The following NDST3 variants were observed in gnomAD, a reference collection of about 807,000 sequenced individuals.
The protein encoded by NDST3 is N-deacetylase and N-sulfotransferase 3, also known as bifunctional heparan sulfate N-deacetylase/N-sulfotransferase 3.
In NDST3, 58 loss-of-function variants were observed where a neutral mutation model predicts 96.1. That is an observed-to-expected ratio of 0.60 (90% CI 0.49 to 0.75). NDST3 has a LOEUF of 0.75. Ranked by LOEUF, NDST3 falls within the 30% of genes least tolerant of loss-of-function variation. The pLI, the probability that NDST3 is intolerant of heterozygous loss-of-function variation, is 0.00. For missense variants in NDST3, 788 were observed against 1,034.2 expected, an observed-to-expected ratio of 0.76 and a Z score of 3.27; for synonymous variants, 333 against 359.7, an observed-to-expected ratio of 0.93 and a Z score of 0.84.
chr4:118,244,390 T>G (rs1340384918), intron 12 of NDST3, among the ~76,000 whole-genome samples: 1 of 152,244 alleles, frequency 6.6e-6, no homozygotes, highest in Non-Finnish European at 1.5e-5. Flanking sequence ...GAAATGCCAT[T>G]TATACCAGTT....
At chr4:118,183,233 C>A (rs1736717279) in intron 6 of NDST3, among the ~76,000 whole-genome samples, 1 of 152,186 alleles carries the variant, frequency 6.6e-6, no homozygotes, top group Non-Finnish European at 1.5e-5. Context: ...GTTCCAGAAT[C>A]TCATCTGCAG....
chr4:118,121,519 T>C (rs1412303888), intron 4 of NDST3, among the ~76,000 whole-genome samples: 1 of 151,986 alleles, frequency 6.6e-6, no homozygotes, highest in Non-Finnish European at 1.5e-5. Flanking sequence ...CAGGGGAAAA[T>C]TGGATGTAAG....
intron 6 of NDST3, among the ~76,000 whole-genome samples, chr4:118,192,904 C>A (rs1169408672): frequency 6.6e-6 from 1 of 152,026 alleles, no homozygotes; most frequent in Non-Finnish European, 1.5e-5. Context: ...CAGGAGACAG[C>A]ATCAGCCATG....
chr4:118,128,337 T>A (rs1379432420), intron 4 of NDST3, among the ~76,000 whole-genome samples: 2 of 152,060 alleles, frequency 1.3e-5, no homozygotes, highest in Non-Finnish European at 2.9e-5. Context: ...TAGATGGATT[T>A]TATTATGGTG....
chr4:118,036,612 C>A (rs76604684), intron 1 of NDST3, among the ~76,000 whole-genome samples: 4,576 of 152,248 alleles, frequency 0.03, 242 homozygotes, highest in African/African-American at 0.1. Flanking sequence ...ATCCTCAAAA[C>A]TATTTCATGA....
intron 6 of NDST3, among the ~76,000 whole-genome samples, chr4:118,212,858 C>T (rs1738895723): frequency 6.6e-6 from 1 of 152,102 alleles, no homozygotes; most frequent in Non-Finnish European, 1.5e-5. Context: ...GTCAAAATAT[C>T]ATATTTTACC....
chr4:118,082,064 C>T (rs1020101848), intron 2 of NDST3, among the ~76,000 whole-genome samples: 1 of 152,162 alleles, frequency 6.6e-6, no homozygotes, highest in African/African-American at 2.4e-5. Flanking sequence ...TCTTTACCCT[C>T]TCCTTTTCCT....
At chr4:118,136,035 TTCTGAAGACACAGC>T (rs1432351293) in intron 4 of NDST3, among the ~76,000 whole-genome samples, 2 of 152,194 alleles carry the variant, frequency 1.3e-5, no homozygotes, top group African/African-American at 4.8e-5. Flanking sequence ...GCCATGTGGG[TTCTGAAGACACAGC>T]TGACTACTCG....
intron 10 of NDST3, 134 bp downstream of exon 10, chr4:118,237,354 G>T: frequency 1.5e-6 from 1 of 658,998 alleles, no homozygotes. Flanking sequence ...CAGAAAAATG[G>T]ACAAGTTTTT....
chr4:118,059,469 G>GAA (rs1328384546), intron 2 of NDST3, among the ~76,000 whole-genome samples: 2 of 152,078 alleles, frequency 1.3e-5, no homozygotes, highest in Non-Finnish European at 2.9e-5. Flanking sequence ...CTAGAGAAAA[G>GAA]AAAGTGCTGA....
chr4:118,240,524 C>A lies in NDST3; in HGVS notation c.2119C>A (p.His707Asn). ...PSDRAYSWYQHQRSHEDPAAL... is the reference protein window; with the variant it reads ...PSDRAYSWYQNQRSHEDPAAL... ...TTAATTATCCACCTTTTCATCATAG[C>A]ATCAGCGATCACATGAAGACCCTGC... The change falls in exon 11 of 14, where the codon CAT (histidine) becomes AAT (asparagine). Residue 707 changes from histidine (H) to asparagine (N), a missense_variant and splice_region_variant. By Grantham distance (68) the His-to-Asn change is moderately conservative. Coordinates refer to ENST00000296499, the MANE Select transcript of NDST3 (RefSeq NM_004784.3). 6.3e-7 allele frequency: 1 copy of A among 1,597,430 alleles called. No homozygotes were observed. Among genetic ancestry groups the A allele is most frequent in the Non-Finnish European group, 8.5e-7 (1 of 1,171,062 alleles).
At chr4:118,153,592 G>A (rs1323648476) in intron 6 of NDST3, among the ~76,000 whole-genome samples, 2 of 152,136 alleles carry the variant, frequency 1.3e-5, no homozygotes, top group Non-Finnish European at 2.9e-5. Context: ...GGATGCCAAA[G>A]CGGGTGGATC....
At chr4:118,066,209 A>G (rs28646146) in intron 2 of NDST3, among the ~76,000 whole-genome samples, 20 of 68,944 alleles carry the variant, frequency 2.9e-4, no homozygotes, top group African/African-American at 1.1e-3. Flanking sequence ...TATTTTATAT[A>G]TTATACATAA....
intron 8 of NDST3, among the ~76,000 whole-genome samples, chr4:118,228,489 T>C (rs1328795579): frequency 6.6e-6 from 1 of 152,222 alleles, no homozygotes; most frequent in Non-Finnish European, 1.5e-5. Flanking sequence ...GAATTGGGTT[T>C]CCAAATGTTT....
At chr4:118,197,436 G>T (rs1188218794) in intron 6 of NDST3, among the ~76,000 whole-genome samples, 1 of 151,910 alleles carries the variant, frequency 6.6e-6, no homozygotes, top group Non-Finnish European at 1.5e-5. Context: ...ATTATATTGG[G>T]GTCTACTTCT....
At chr4:118,050,605 G>T (rs922440378) in intron 1 of NDST3, among the ~76,000 whole-genome samples, 1 of 151,870 alleles carries the variant, frequency 6.6e-6, no homozygotes, top group Admixed American at 6.6e-5. Context: ...GTCCAATGAA[G>T]AATACAATCC....
intron 2 of NDST3, among the ~76,000 whole-genome samples, chr4:118,061,294 A>G (rs1725873765): frequency 6.6e-6 from 1 of 151,974 alleles, no homozygotes; most frequent in Non-Finnish European, 1.5e-5. Flanking sequence ...CTCAAATGTT[A>G]CTTTCTCAGT....
At chr4:118,035,630 A>G (rs182904467) in intron 1 of NDST3, among the ~76,000 whole-genome samples, 81 of 152,082 alleles carry the variant, frequency 5.3e-4, no homozygotes, top group African/African-American at 1.8e-3. Context: ...TTTCAAATAT[A>G]AGTTTGAAGG....
chr4:118,198,801 T>C (rs1197409852), intron 6 of NDST3, among the ~76,000 whole-genome samples: 5 of 152,190 alleles, frequency 3.3e-5, no homozygotes, highest in Non-Finnish European at 7.3e-5. Context: ...TTTTTCTTCA[T>C]TCTTGAAGGA....
Sources: allele counts gnomAD v4.1 joint callset (sites outside exome capture counted in the v4.1 genomes callset), GRCh38; gene constraint gnomAD v4.1.1; transcripts MANE v1.5; gene names NCBI Gene and HGNC (gene_info 2026-07-23, HGNC 2026-07-21).